The following RANBP2 variants were observed in gnomAD, a reference collection of about 807,000 sequenced individuals.
RANBP2 encodes E3 SUMO-protein ligase RanBP2.
RANBP2 carries 57 observed loss-of-function variants against 303.6 expected under a neutral mutation model. The ratio of observed to expected loss-of-function variants is 0.19; its 90% confidence interval spans 0.15 to 0.23. RANBP2 has a LOEUF of 0.23. Among genes scored for constraint, RANBP2 ranks in the 10% least tolerant of loss-of-function variants. RANBP2 has a pLI of 1.00. For synonymous variants in RANBP2, 1,167 were observed against 1,301.5 expected (o/e 0.90, Z 2.23); for missense variants, 3,138 against 3,780.8 (o/e 0.83, Z 4.46).
chr2:109,079,604 A>G, the RANBP2 span, among the ~76,000 whole-genome samples: 1 of 152,266 alleles, frequency 6.6e-6, no homozygotes, highest in Non-Finnish European at 1.5e-5. Flanking sequence ...ATCAGATGGC[A>G]CAGCTGGCCC....
the RANBP2 span, among the ~76,000 whole-genome samples, chr2:108,944,105 C>T: frequency 4.6e-5 from 7 of 152,190 alleles, no homozygotes; most frequent in Non-Finnish European, 7.3e-5. Flanking sequence ...TGTCTCTGTT[C>T]GGCAGGAATG....
At chr2:108,887,108 A>G in the RANBP2 span, among the ~76,000 whole-genome samples, 1 of 152,108 alleles carries the variant, frequency 6.6e-6, no homozygotes, top group African/African-American at 2.4e-5. Context: ...TGGTTAACCA[A>G]TTTTCTCAGT....
the RANBP2 span, among the ~76,000 whole-genome samples, chr2:109,639,092 A>G: frequency 1.3e-5 from 2 of 152,192 alleles, no homozygotes; most frequent in Admixed American, 6.5e-5. Flanking sequence ...TTCCTTTCAT[A>G]TGTCAAGGTA....
the RANBP2 span, among the ~76,000 whole-genome samples, chr2:109,035,600 G>A: frequency 6.6e-6 from 1 of 151,450 alleles, no homozygotes; most frequent in Non-Finnish European, 1.5e-5. Context: ...AAAGCACAGA[G>A]GAAAGGCTGG....
At chr2:109,203,779 C>T in the RANBP2 span, among the ~76,000 whole-genome samples, 1 of 152,144 alleles carries the variant, frequency 6.6e-6, no homozygotes, top group Non-Finnish European at 1.5e-5. Flanking sequence ...ACCCTCGGTC[C>T]ATCCATTCCT....
the RANBP2 span, among the ~76,000 whole-genome samples, chr2:108,823,957 A>T: frequency 3.3e-5 from 5 of 151,852 alleles, no homozygotes; most frequent in African/African-American, 1.2e-4. Flanking sequence ...AGCCTGGGCC[A>T]CAGAGTGAGA....
chr2:108,761,994 C>A (rs1422613874), intron 18 of RANBP2, 107 bp from the exon 19 acceptor site: 90 of 1,466,946 alleles, frequency 6.1e-5, no homozygotes, highest in Non-Finnish European at 7.7e-5. Context: ...GTAGTTAAAT[C>A]TTTCTTTAAT....
At chr2:109,455,343 T>TG in the RANBP2 span, among the ~76,000 whole-genome samples, 1 of 152,168 alleles carries the variant, frequency 6.6e-6, no homozygotes, top group Non-Finnish European at 1.5e-5. Flanking sequence ...AATGAATCAC[T>TG]TACCAGTCCA....
the RANBP2 span, among the ~76,000 whole-genome samples, chr2:109,280,630 A>C: frequency 6.6e-6 from 1 of 152,238 alleles, no homozygotes; most frequent in African/African-American, 2.4e-5. Flanking sequence ...ACACTAATAG[A>C]TCTGCTCATC....
intron 14 of RANBP2, 32 bp from the exon 15 acceptor site, chr2:108,753,793 C>G (rs754130212): frequency 1.2e-6 from 2 of 1,611,428 alleles, no homozygotes; most frequent in East Asian, 4.5e-5. Flanking sequence ...TTTTAAAAAC[C>G]TAATGATTTC....
the RANBP2 span, among the ~76,000 whole-genome samples, chr2:109,722,513 C>T: frequency 5.3e-5 from 8 of 152,342 alleles, no homozygotes; most frequent in South Asian, 1.5e-3. Context: ...GTTACATGTG[C>T]AGGATGTGCA....
At chr2:109,362,515 G>T in the RANBP2 span, among the ~76,000 whole-genome samples, 1 of 152,272 alleles carries the variant, frequency 6.6e-6, no homozygotes, top group East Asian at 1.9e-4. Context: ...TTCCCTGTGG[G>T]CTTGAAAAGA....
the RANBP2 span, among the ~76,000 whole-genome samples, chr2:109,411,116 A>T: frequency 6.6e-6 from 1 of 152,214 alleles, no homozygotes; most frequent in East Asian, 1.9e-4. Context: ...CCATGGTTGG[A>T]GCTGGAGGCA....
the RANBP2 span, among the ~76,000 whole-genome samples, chr2:108,862,644 T>C: frequency 5.9e-5 from 9 of 152,240 alleles, no homozygotes; most frequent in Non-Finnish European, 2.9e-5. Context: ...CTACATGATA[T>C]TGAAATATAT....
the RANBP2 span, chr2:109,615,872 G>T: frequency 6.2e-7 from 1 of 1,613,876 alleles, no homozygotes; most frequent in South Asian, 1.1e-5. Context: ...GCAAAGCCTC[G>T]GGCAGCTCTA....
At chr2:109,355,595 G>T in the RANBP2 span, among the ~76,000 whole-genome samples, 2 of 152,190 alleles carry the variant, frequency 1.3e-5, no homozygotes, top group Non-Finnish European at 2.9e-5. Context: ...CACTATCAGG[G>T]CCAAGGGCAC....
At chr2:109,688,558 C>T in the RANBP2 span, among the ~76,000 whole-genome samples, 1 of 151,994 alleles carries the variant, frequency 6.6e-6, no homozygotes, top group East Asian at 2.0e-4. Flanking sequence ...GGGTGGATCA[C>T]GAGGTCAAGA....
the RANBP2 span, among the ~76,000 whole-genome samples, chr2:109,467,395 G>A: frequency 6.6e-6 from 1 of 152,366 alleles, no homozygotes; most frequent in Non-Finnish European, 1.5e-5. Context: ...AGCCACTGGA[G>A]GGTCCCGTGT....
At chr2:108,948,445 C>G in the RANBP2 span, among the ~76,000 whole-genome samples, 1 of 152,192 alleles carries the variant, frequency 6.6e-6, no homozygotes, top group African/African-American at 2.4e-5. Context: ...AGTACCAATT[C>G]TCTGTATTAG....
Sources: gnomAD v4.1 joint callset for allele counts (sites outside exome capture counted in the v4.1 genomes callset) on GRCh38, gnomAD v4.1.1 for gene constraint, MANE v1.5 for transcripts, NCBI Gene and HGNC (gene_info 2026-07-23, HGNC 2026-07-21) for gene names.